Variants in DCC observed in about 807,000 individuals in gnomAD.
DCC encodes the protein netrin receptor DCC.
In DCC, 58 loss-of-function variants were observed where a neutral mutation model predicts 172.5. The ratio of observed to expected loss-of-function variants is 0.34; its 90% CI spans 0.27 to 0.42. DCC has a LOEUF of 0.42. DCC is among the 10% of genes least tolerant of loss of function. The pLI, the probability that DCC is intolerant of heterozygous loss-of-function variation, is 1.00. For synonymous variants in DCC, 709 were observed against 644.5 expected (o/e 1.10, Z -1.52); for missense variants, 1,740 against 1,791.0 (o/e 0.97, Z 0.51).
intron 1 of DCC, among the ~76,000 whole-genome samples, chr18:52,387,621 T>A (rs1423600931): frequency 1.3e-5 from 2 of 151,458 alleles, no homozygotes; most frequent in Admixed American, 6.6e-5. Flanking sequence ...CTTCCTTCCT[T>A]CCTTCCTTCC....
intron 15 of DCC, among the ~76,000 whole-genome samples, chr18:53,372,661 G>T (rs952640568): frequency 1.3e-5 from 2 of 152,034 alleles, no homozygotes; most frequent in Admixed American, 6.6e-5. Flanking sequence ...ATTTACATTT[G>T]CAAATTACAG....
Position 52,794,811 on chromosome 18 carries a change from C to A in DCC, c.412+42437C>A, listed in dbSNP as rs369355934. 2.6e-5 allele frequency among the ~76,000 whole-genome samples: 4 copies of A among 151,840 alleles called. No individual in the cohort carries two copies. The South Asian group carries it at 6.2e-4, about 24-fold the overall frequency. On this transcript the variant is annotated intron_variant, in intron 2 of 28. Transcript: ENST00000442544. Reference sequence around the variant, plus strand: ...GGTCTTTCTTTATTATTTTGAAATACCTTCTTTTTATTGTTGAGAGTTTTT... The same window carrying A: ...GGTCTTTCTTTATTATTTTGAAATAACTTCTTTTTATTGTTGAGAGTTTTT...
At chr18:52,710,750 A>G (rs991749219) in intron 1 of DCC, among the ~76,000 whole-genome samples, 1 of 152,234 alleles carries the variant, frequency 6.6e-6, no homozygotes, top group Non-Finnish European at 1.5e-5. Flanking sequence ...TTTGTAAGAG[A>G]TTTAAAATTA....
chr18:53,054,156 G>A (rs528428622), intron 5 of DCC, among the ~76,000 whole-genome samples: 1 of 152,154 alleles, frequency 6.6e-6, no homozygotes, highest in South Asian at 2.1e-4. Flanking sequence ...TTAATGCAGT[G>A]TAAATGCTGT....
intron 22 of DCC, 112 bp downstream of exon 22, chr18:53,435,321 A>G: frequency 7.0e-6 from 5 of 717,854 alleles, no homozygotes; most frequent in Non-Finnish European, 1.2e-5. Flanking sequence ...CCTTGGATTT[A>G]GTGTCTTAGT....
At chr18:52,787,308 C>T (rs968629713) in intron 2 of DCC, among the ~76,000 whole-genome samples, 1 of 152,106 alleles carries the variant, frequency 6.6e-6, no homozygotes, top group Non-Finnish European at 1.5e-5. Context: ...CCTGCATTTG[C>T]AATCACCTGT....
intron 10 of DCC, among the ~76,000 whole-genome samples, chr18:53,205,674 G>A (rs375740709): frequency 7.9e-4 from 120 of 152,284 alleles, no homozygotes; most frequent in African/African-American, 2.6e-3. Context: ...TCACCTGGTC[G>A]TGGAAGGCAT....
intron 12 of DCC, among the ~76,000 whole-genome samples, chr18:53,223,289 A>G (rs915838997): frequency 6.6e-6 from 1 of 152,166 alleles, no homozygotes; most frequent in Non-Finnish European, 1.5e-5. Flanking sequence ...AGTCACTGCC[A>G]TTGAGTATAC....
chr18:52,734,082 T>A (rs545575601), intron 1 of DCC, among the ~76,000 whole-genome samples: 64 of 152,230 alleles, frequency 4.2e-4, no homozygotes, highest in African/African-American at 1.3e-3. Context: ...AATAAGTAGG[T>A]GACCATATAT....
At chr18:52,651,211 G>A (rs1438235114) in intron 1 of DCC, among the ~76,000 whole-genome samples, 4 of 152,282 alleles carry the variant, frequency 2.6e-5, no homozygotes, top group African/African-American at 9.6e-5. Context: ...TGGCCAAGCT[G>A]GAGTGCAGTG....
At chr18:52,484,307 T>C (rs550183475) in intron 1 of DCC, among the ~76,000 whole-genome samples, 2 of 152,194 alleles carry the variant, frequency 1.3e-5, no homozygotes, top group South Asian at 4.1e-4. Context: ...CAGAGAGACA[T>C]TTGCTTTTGG....
chr18:53,443,292 T>C (rs1912389883), intron 22 of DCC, among the ~76,000 whole-genome samples: 1 of 152,112 alleles, frequency 6.6e-6, no homozygotes, highest in African/African-American at 2.4e-5. Context: ...ATTCTGAAAA[T>C]CCTAGGGCCC....
intron 2 of DCC, among the ~76,000 whole-genome samples, chr18:52,783,018 A>G (rs930022030): frequency 2.6e-5 from 4 of 152,122 alleles, no homozygotes; most frequent in Non-Finnish European, 4.4e-5. Context: ...GCTAAAAACA[A>G]GAGATCATAC....
intron 2 of DCC, among the ~76,000 whole-genome samples, chr18:52,898,127 C>A (rs1001788292): frequency 2.6e-5 from 4 of 152,204 alleles, no homozygotes; most frequent in Admixed American, 2.0e-4. Context: ...CAGCCGCTCT[C>A]CTCTGGCAGT....
At chr18:52,366,254 C>G (rs553564074) in intron 1 of DCC, among the ~76,000 whole-genome samples, 1 of 152,230 alleles carries the variant, frequency 6.6e-6, no homozygotes, top group African/African-American at 2.4e-5. Flanking sequence ...CACGGACCCT[C>G]GCGGTGAGTG....
intron 2 of DCC, among the ~76,000 whole-genome samples, chr18:52,873,524 G>A (rs772022194): frequency 2.0e-5 from 3 of 152,172 alleles, no homozygotes; most frequent in Non-Finnish European, 4.4e-5. Flanking sequence ...CAAACCATAC[G>A]GACTTGAGTG....
chr18:52,852,575 G>T (rs2038992637), intron 2 of DCC, among the ~76,000 whole-genome samples: 1 of 151,608 alleles, frequency 6.6e-6, no homozygotes, highest in Non-Finnish European at 1.5e-5. Context: ...TGTTGATTAT[G>T]TATCAAACCC....
intron 2 of DCC, among the ~76,000 whole-genome samples, chr18:52,804,481 C>T (rs2038050134): frequency 6.6e-6 from 1 of 152,150 alleles, no homozygotes; most frequent in Non-Finnish European, 1.5e-5. Context: ...TCAGAAGTAT[C>T]ATCGGTTTAT....
intron 1 of DCC, among the ~76,000 whole-genome samples, chr18:52,480,913 C>T (rs1484396115): frequency 6.6e-6 from 1 of 151,988 alleles, no homozygotes; most frequent in Non-Finnish European, 1.5e-5. Flanking sequence ...TTGAGAAGTC[C>T]AAGTATTTAG....
Sources: allele counts gnomAD v4.1 joint callset (sites outside exome capture counted in the v4.1 genomes callset), GRCh38; gene constraint gnomAD v4.1.1; transcripts MANE v1.5; gene names NCBI Gene and HGNC (gene_info 2026-07-23, HGNC 2026-07-21).